Variants in CCDC30 observed in about 807,000 individuals in gnomAD.
The protein encoded by CCDC30 is coiled-coil domain-containing protein 30.
Under a neutral mutation model 100.2 loss-of-function variants are expected in CCDC30, and 70 were observed. That is an observed-to-expected ratio of 0.70 (90% CI 0.58 to 0.85). The LOEUF is 0.85. Among genes scored for constraint, CCDC30 ranks in the 40% least tolerant of loss-of-function variants. CCDC30 has a pLI of 0.00. For missense variants in CCDC30, 652 were observed against 771.2 expected, an observed-to-expected ratio of 0.85 and a Z score of 1.83; for synonymous variants, 233 against 269.5, an observed-to-expected ratio of 0.86 and a Z score of 1.33.
intron 6 of CCDC30, among the ~76,000 whole-genome samples, chr1:42,562,378 G>A (rs1336591341): frequency 6.6e-6 from 1 of 152,180 alleles, no homozygotes; most frequent in Admixed American, 6.6e-5. Flanking sequence ...TTCAGTAAAT[G>A]GTGCTGGGAA....
In CCDC30 at chr1:42,584,180, G is replaced by A. The variant is rs143612828; in HGVS notation, c.1001+2666G>A. ...AAATCTTACACAAATATTATCTCCT[G>A]TGGCCCACTATAACCAGAAACTTAC... is the stretch of plus-strand genomic sequence containing the variant. On this transcript the variant is annotated intron_variant, in intron 9 of 16. Transcript: ENST00000668663. 2.4e-3 allele frequency among the ~76,000 whole-genome samples: 372 copies of A among 152,300 alleles called. 2 individuals carry two copies. The highest frequency in any genetic ancestry group is 8.6e-3 in the African/African-American group (359 of 41,562).
At chr1:42,463,025 G>A (rs1245895261), upstream of CCDC30, among the ~76,000 whole-genome samples, 1 of 152,194 alleles carries the variant, frequency 6.6e-6, no homozygotes, top group Non-Finnish European at 1.5e-5. Flanking sequence ...TTCTTTGAGA[G>A]CTAGAACGCC....
intron 6 of CCDC30, among the ~76,000 whole-genome samples, chr1:42,528,053 A>G (rs1252852930): frequency 1.3e-5 from 2 of 151,970 alleles, no homozygotes; most frequent in Middle Eastern, 3.2e-3. Context: ...TTTGGTAGAG[A>G]TGGGGTTTCA....
intron 10 of CCDC30, among the ~76,000 whole-genome samples, chr1:42,599,850 A>G (rs560924842): frequency 3.3e-5 from 5 of 152,338 alleles, no homozygotes; most frequent in Admixed American, 6.5e-5. Context: ...CGACTGGGTA[A>G]TCTATAAAGA....
intron 8 of CCDC30, among the ~76,000 whole-genome samples, chr1:42,578,504 G>T (rs7519642): frequency 0.26 from 38,858 of 151,922 alleles, 5,567 homozygotes; most frequent in South Asian, 0.42. Flanking sequence ...TATATATGTA[G>T]GTTACTTTAC....
In CCDC30 at chr1:42,637,112, T is replaced by G. The variant is rs1647175778; in HGVS notation, c.1278-125T>G. 8.8e-6 allele frequency: 6 copies of G among 682,516 alleles called. No individual in the cohort carries two copies. The Admixed American group carries it at 1.4e-4, about 16-fold the overall frequency. 42.3% of individuals were successfully genotyped at this position (682,516 alleles called of 1,614,324 possible). ...AAGAAGATGTGAGGCAGGATAAGTA[T>G]CCACATCCGGTGCCAGTTCCCTGAC... On this transcript the variant is annotated intron_variant, in intron 11 of 16. Coordinates refer to ENST00000668663, the Ensembl canonical transcript of CCDC30.
intron 8 of CCDC30, among the ~76,000 whole-genome samples, chr1:42,579,985 G>A (rs780188991): frequency 3.0e-4 from 45 of 151,966 alleles, no homozygotes; most frequent in Non-Finnish European, 5.3e-4. Context: ...GCAAGGATGC[G>A]ATTAACACAA....
chr1:42,586,450 G>A (rs567918536), intron 9 of CCDC30, among the ~76,000 whole-genome samples: 11 of 152,010 alleles, frequency 7.2e-5, no homozygotes, highest in Non-Finnish European at 1.2e-4. Flanking sequence ...AGGACTATAG[G>A]CATACCCAAC....
intron 6 of CCDC30, among the ~76,000 whole-genome samples, chr1:42,548,232 T>G (rs1229230264): frequency 6.6e-6 from 1 of 152,170 alleles, no homozygotes; most frequent in Non-Finnish European, 1.5e-5. Context: ...CTACAGTGTT[T>G]GGTAGCGTGG....
At chr1:42,524,326 C>A (rs1209593511) in intron 6 of CCDC30, among the ~76,000 whole-genome samples, 1 of 152,054 alleles carries the variant, frequency 6.6e-6, no homozygotes, top group African/African-American at 2.4e-5. Context: ...TGAGTGTGTG[C>A]CTTTCCCTTA....
At chr1:42,540,664 C>CACACAT (rs1553191457) in intron 6 of CCDC30, among the ~76,000 whole-genome samples, 1 of 120,942 alleles carries the variant, frequency 8.3e-6, no homozygotes, top group African/African-American at 3.5e-5. Context: ...CACACACACA[C>CACACAT]ACACATACAC....
intron 6 of CCDC30, among the ~76,000 whole-genome samples, chr1:42,507,308 T>A (rs547173083): frequency 6.6e-6 from 1 of 152,364 alleles, no homozygotes; most frequent in African/African-American, 2.4e-5. Context: ...TGCAAACCTT[T>A]TGTAACCCTT....
intron 1 of CCDC30, chr1:42,473,357 C>T (rs1643829256): frequency 9.9e-7 from 1 of 1,010,180 alleles, no homozygotes; most frequent in African/African-American, 1.7e-5. Flanking sequence ...GTTCATTGCC[C>T]TTCATTAAAT....
intron 6 of CCDC30, chr1:42,500,131 A>G: frequency 7.6e-7 from 1 of 1,322,162 alleles, no homozygotes; most frequent in Non-Finnish European, 1.1e-6. Flanking sequence ...TTACAAAGTT[A>G]AACAGCTAAA....
At chr1:42,542,533 A>ATTT (rs749030366) in intron 6 of CCDC30, among the ~76,000 whole-genome samples, 1 of 100,820 alleles carries the variant, frequency 9.9e-6, no homozygotes, top group Non-Finnish European at 2.0e-5. Context: ...CTAATTTTAA[A>ATTT]TTTTTCTTTT....
intron 10 of CCDC30, among the ~76,000 whole-genome samples, chr1:42,601,763 G>A (rs1479951904): frequency 6.6e-6 from 1 of 152,174 alleles, no homozygotes; most frequent in African/African-American, 2.4e-5. Context: ...CCTTCAATGT[G>A]AAGACAAAGA....
At chr1:42,544,584 G>A (rs148977295) in intron 6 of CCDC30, among the ~76,000 whole-genome samples, 4 of 152,010 alleles carry the variant, frequency 2.6e-5, no homozygotes, top group Non-Finnish European at 4.4e-5. Flanking sequence ...GCCTGATCTC[G>A]GCTCATTGCA....
intron 11 of CCDC30, among the ~76,000 whole-genome samples, chr1:42,618,381 C>G (rs747743622): frequency 6.6e-6 from 1 of 151,986 alleles, no homozygotes; most frequent in Non-Finnish European, 1.5e-5. Flanking sequence ...GGATTACAGG[C>G]ATGTGCCACC....
At position 42,589,630 on chromosome 1, in the gene CCDC30, A is replaced by G. The variant is rs1344258805; in HGVS notation, c.1164+147A>G. On this transcript the variant is annotated intron_variant, in intron 10 of 16. Coordinates refer to ENST00000668663, the Ensembl canonical transcript of CCDC30. ...AGAATCTACTCTAGGTATTTCAAGC[A>G]AGAAGAGATTTAACACAGGGAATAA... The G allele has an allele frequency of 5.7e-5, 38 of 667,680 alleles. No individual in the cohort carries two copies. The East Asian group carries it at 5.9e-4, about 10-fold the overall frequency. The allele number at this position is 667,680 out of a possible 1,614,324, so 41.4% of individuals were successfully genotyped here.
Sources: gnomAD v4.1 joint callset for allele counts (sites outside exome capture counted in the v4.1 genomes callset) on GRCh38, gnomAD v4.1.1 for gene constraint, MANE v1.5 for transcripts, NCBI Gene and HGNC (gene_info 2026-07-23, HGNC 2026-07-21) for gene names.